FIG4: variants seen among roughly 807,000 people sequenced by gnomAD.
FIG4 encodes FIG4 phosphoinositide 5-phosphatase.
In FIG4, 112 loss-of-function variants were observed where a neutral mutation model predicts 118.6. The observed-to-expected ratio is 0.94, with a 90% confidence interval of 0.81 to 1.11. FIG4 has a LOEUF of 1.11. Among genes scored for constraint, FIG4 ranks in the 50% least tolerant of loss-of-function variants. FIG4 has a pLI of 0.00. For synonymous variants in FIG4, 369 were observed against 381.2 expected, an observed-to-expected ratio of 0.97 and a Z score of 0.37; for missense variants, 969 against 1,111.7, an observed-to-expected ratio of 0.87 and a Z score of 1.83.
In FIG4 at chr6:109,789,614, T is replaced by C; in HGVS notation, c.2117T>C (p.Val706Ala). Residue 706 changes from valine (V) to alanine (A), a missense_variant, in exon 19 of 23, where the codon GTT becomes GCT. Coordinates refer to ENST00000230124, the MANE Select transcript of FIG4 (RefSeq NM_014845.6). Reference protein sequence around the residue: ...SSARDFMPKTVGIDPSPFTVR... With the variant: ...SSARDFMPKTAGIDPSPFTVR... ...TTTAGTGACTTTATGCCTAAGACCG[T>C]TGGAATTGATCCAAGTCCATTTACT... is the stretch of plus-strand genomic sequence containing the variant. 6.2e-7 allele frequency: 1 copy of C among 1,613,388 alleles called. No homozygotes were observed. Among genetic ancestry groups the C allele is most frequent in the Non-Finnish European group, 8.5e-7 (1 of 1,179,416 alleles).
At chr6:109,707,685 A>T (rs1775130790) in intron 1 of FIG4, among the ~76,000 whole-genome samples, 1 of 151,842 alleles carries the variant, frequency 6.6e-6, no homozygotes, top group Non-Finnish European at 1.5e-5. Flanking sequence ...TACATGCTTC[A>T]TTTTGGCCTT....
intron 22 of FIG4, among the ~76,000 whole-genome samples, chr6:109,823,193 C>T (rs1779061841): frequency 6.6e-6 from 1 of 152,138 alleles, no homozygotes; most frequent in African/African-American, 2.4e-5. Flanking sequence ...GGCTCCCTGA[C>T]AGGTTGAAGA....
At chr6:109,694,943 C>A (rs79950182) in intron 1 of FIG4, among the ~76,000 whole-genome samples, 3,698 of 152,170 alleles carry the variant, frequency 0.024, 91 homozygotes, top group East Asian at 0.11. Flanking sequence ...TTATCAAATG[C>A]TGGTGAGGAT....
chr6:109,785,275 TTATG>T (rs1444636176), intron 17 of FIG4, among the ~76,000 whole-genome samples: 1 of 152,218 alleles, frequency 6.6e-6, no homozygotes, highest in Non-Finnish European at 1.5e-5. Context: ...CTTACAATTA[TTATG>T]TGTCTGTCAA....
chr6:109,793,107 G>C (rs1338794226), intron 21 of FIG4, among the ~76,000 whole-genome samples: 2 of 152,210 alleles, frequency 1.3e-5, no homozygotes, highest in Non-Finnish European at 2.9e-5. Context: ...TATATACAGA[G>C]TTAAAGTGCT....
chr6:109,764,767 A>T (rs1777229552), intron 13 of FIG4, among the ~76,000 whole-genome samples: 1 of 152,238 alleles, frequency 6.6e-6, no homozygotes, highest in African/African-American at 2.4e-5. Flanking sequence ...TCAAATATAG[A>T]CCAGAAGATT....
chr6:109,767,486 A>G (rs1253249504), intron 15 of FIG4, among the ~76,000 whole-genome samples: 1 of 152,208 alleles, frequency 6.6e-6, no homozygotes, highest in East Asian at 1.9e-4. Context: ...GAATTTATGA[A>G]GGAAGTGCTC....
chr6:109,796,895 C>A, intron 22 of FIG4, 44 bp downstream of exon 22: 1 of 1,086,430 alleles, frequency 9.2e-7, no homozygotes, highest in Non-Finnish European at 1.4e-6. Flanking sequence ...TGTATTCATG[C>A]CACTCATAGG....
chr6:109,735,434 T>C lies in FIG4; in HGVS notation c.646+136T>C, dbSNP rs955103372. On this transcript the variant is annotated intron_variant, in intron 6 of 22. Transcript: ENST00000230124. ...TCCTTACGTGGGGTTGTTTTGGATA[T>C]GTGAAGTTGATCAATTCATTTTTAT... 6.3e-6 allele frequency: 5 copies of C among 798,624 alleles called. 1 individual carries two copies. Among genetic ancestry groups the C allele is most frequent in the African/African-American group, 3.4e-5 (2 of 58,006 alleles). The allele number at this position is 798,624 out of a possible 1,614,324, so 49.5% of individuals were successfully genotyped here.
At chr6:109,709,189 A>T (rs896380450) in intron 1 of FIG4, among the ~76,000 whole-genome samples, 1 of 152,106 alleles carries the variant, frequency 6.6e-6, no homozygotes, top group Non-Finnish European at 1.5e-5. Context: ...TGGCTAGCCA[A>T]TTCTCCCAGG....
chr6:109,786,384 C>A lies in FIG4; in HGVS notation c.2031C>A (p.Phe677Leu). Reference protein sequence around the residue: ...YEEEIDIHNEFFRPYELSSFD... With the variant: ...YEEEIDIHNELFRPYELSSFD... Reference sequence around the variant, plus strand: ...AAGAGATTGATATCCACAATGAGTTCTTTCGGCCATATGAGTTGAGCAGCT... The same window carrying A: ...AAGAGATTGATATCCACAATGAGTTATTTCGGCCATATGAGTTGAGCAGCT... Residue 677 changes from phenylalanine to leucine, a missense_variant, in exon 18 of 23, where the codon TTC becomes TTA. Transcript: ENST00000230124. 1 of 1,613,966 alleles carries A rather than the reference C, an allele frequency of 6.2e-7. No individual in the cohort carries two copies. The highest frequency in any genetic ancestry group is 8.5e-7 in the Non-Finnish European group (1 of 1,179,868).
intron 11 of FIG4, 105 bp from the exon 12 acceptor site, chr6:109,761,986 C>T: frequency 4.2e-6 from 3 of 722,882 alleles, no homozygotes; most frequent in East Asian, 2.7e-5. Context: ...TTAAAAATTA[C>T]ATCTTTAAGT....
chr6:109,717,008 CT>C (rs58004392), intron 3 of FIG4, among the ~76,000 whole-genome samples: 718 of 138,128 alleles, frequency 5.2e-3, no homozygotes, highest in Admixed American at 7.8e-3. Context: ...TGGATGACTG[CT>C]TTTTTTTTTT....
At chr6:109,769,262 G>C (rs1293532657) in intron 15 of FIG4, among the ~76,000 whole-genome samples, 1 of 151,888 alleles carries the variant, frequency 6.6e-6, no homozygotes, top group Non-Finnish European at 1.5e-5. Flanking sequence ...ACTAGAGGAC[G>C]GACAGAATGA....
At chr6:109,762,268 A>G in intron 12 of FIG4, 61 bp downstream of exon 12, 1 of 1,003,480 alleles carries the variant, frequency 1.0e-6, no homozygotes, top group Non-Finnish European at 1.6e-6. Flanking sequence ...GGGTATTCTA[A>G]ATACAGCAGT....
At chr6:109,749,080 T>TGG (rs1228961962) in intron 10 of FIG4, among the ~76,000 whole-genome samples, 1 of 148,626 alleles carries the variant, frequency 6.7e-6, no homozygotes, top group Non-Finnish European at 1.5e-5. Context: ...TGTGTGTGTG[T>TGG]GTGTGTGTGT....
intron 10 of FIG4, among the ~76,000 whole-genome samples, chr6:109,745,174 G>C (rs1474686120): frequency 6.6e-6 from 1 of 152,100 alleles, no homozygotes; most frequent in Admixed American, 6.5e-5. Flanking sequence ...GGATTGCTGG[G>C]TCAAATGGTA....
At chr6:109,719,636 C>T (rs1775546362) in intron 3 of FIG4, among the ~76,000 whole-genome samples, 1 of 151,978 alleles carries the variant, frequency 6.6e-6, no homozygotes, top group African/African-American at 2.4e-5. Flanking sequence ...ACAAGCAATC[C>T]TCCTGCCTTG....
rs531238201 is a variant in FIG4 at position 109,691,734 on chromosome 6, G to T, written c.66+233G>T. Among the ~76,000 whole-genome samples, 60 of 152,314 alleles carry T rather than the reference G, an allele frequency of 3.9e-4. 1 individual carries two copies. The highest frequency in any genetic ancestry group is 1.4e-3 in the African/African-American group (57 of 41,580). On this transcript the variant is annotated intron_variant, in intron 1 of 22. Transcript: ENST00000230124. ...TTTGCAGGTCCACTTACAAGCCATG[G>T]CTGGAACACGCTGGAAACAGGTGCT...
Sources: allele counts gnomAD v4.1 joint callset (sites outside exome capture counted in the v4.1 genomes callset), GRCh38; gene constraint gnomAD v4.1.1; transcripts MANE v1.5; gene names NCBI Gene and HGNC (gene_info 2026-07-23, HGNC 2026-07-21).